The following GSN variants were observed in gnomAD, a reference collection of about 807,000 sequenced individuals.
GSN encodes actin-depolymerizing factor.
GSN carries 56 observed loss-of-function variants against 85.7 expected under a neutral mutation model. The observed-to-expected ratio is 0.65, with a 90% CI of 0.53 to 0.82. GSN has a LOEUF of 0.82. Ranked by LOEUF, GSN falls within the 40% of genes least tolerant of loss-of-function variation. GSN has a pLI of 0.00. For synonymous variants in GSN, 373 were observed against 399.1 expected, an observed-to-expected ratio of 0.93 and a Z score of 0.78; for missense variants, 857 against 979.8, an observed-to-expected ratio of 0.87 and a Z score of 1.67.
intron 5 of GSN, among the ~76,000 whole-genome samples, chr9:121,236,841 C>T (rs1399106869): frequency 1.3e-5 from 2 of 152,226 alleles, no homozygotes; most frequent in Non-Finnish European, 2.9e-5. Flanking sequence ...AGAACCAAAT[C>T]AGGGATTTTC....
intron 5 of GSN, chr9:121,238,857 T>C (rs2054547473): frequency 1.9e-6 from 1 of 530,550 alleles, no homozygotes; most frequent in African/African-American, 1.9e-5. Context: ...AATCATGGCT[T>C]GTACATCCTT....
At chr9:121,286,133 C>A in intron 2 of GSN, 3 of 1,535,598 alleles carry the variant, frequency 2.0e-6, no homozygotes, top group Non-Finnish European at 8.7e-7. Flanking sequence ...ATAGCTCCCC[C>A]CAGCCTCGCG....
At chr9:121,326,080 G>A (rs2063129278) in intron 12 of GSN, among the ~76,000 whole-genome samples, 1 of 150,564 alleles carries the variant, frequency 6.6e-6, no homozygotes, top group South Asian at 2.1e-4. Flanking sequence ...CATCTGGGGT[G>A]CACTGGCTCT....
chr9:121,312,604 C>T (rs561478279), intron 6 of GSN, 116 bp downstream of exon 6: 5 of 778,240 alleles, frequency 6.4e-6, no homozygotes, highest in Non-Finnish European at 9.8e-6. Context: ...CGCTCTACCC[C>T]ACCTTTTTAT....
At position 121,299,514 on chromosome 9, in the gene GSN, G is replaced by A. The variant is rs906715028; in HGVS notation, c.-9-2449G>A. On this transcript the variant is annotated intron_variant, in intron 2 of 17. Transcript: ENST00000432226. This position sits in a 1 kb window ranked among gnomAD's most constrained non-coding sequence, Gnocchi z 4.2. The stretch of plus-strand genomic sequence containing the variant: ...TGTTAGTTCATGTTATTTTTTTGCT[G>A]GAGGTGTTAGGTGCGGAGAGGCGAG... 6.6e-5 allele frequency: 64 copies of A among 975,024 alleles called. No individual in the cohort carries two copies. Among genetic ancestry groups the A allele is most frequent in the Non-Finnish European group, 7.2e-5 (59 of 820,532 alleles). The allele number at this position is 975,024 out of a possible 1,614,324, so 60.4% of individuals were successfully genotyped here.
At chr9:121,327,687 G>A (rs1195092599) in intron 14 of GSN, among the ~76,000 whole-genome samples, 1 of 150,760 alleles carries the variant, frequency 6.6e-6, no homozygotes, top group Admixed American at 6.6e-5. Flanking sequence ...AGAAAGGAGA[G>A]CCTAGCCTGG....
At chr9:121,260,806 T>C (rs971630268) in intron 6 of GSN, among the ~76,000 whole-genome samples, 2 of 151,440 alleles carry the variant, frequency 1.3e-5, no homozygotes, top group African/African-American at 4.9e-5. Context: ...ACAACAGTGA[T>C]GAGAGAGGAG....
chr9:121,230,367 T>C (rs1208479704), intron 4 of GSN, among the ~76,000 whole-genome samples: 1 of 152,224 alleles, frequency 6.6e-6, no homozygotes, highest in Non-Finnish European at 1.5e-5. Flanking sequence ...GACAATCCTA[T>C]AGTGCAGAAA....
At chr9:121,303,121 C>T in intron 4 of GSN, 56 bp downstream of exon 4, 2 of 1,542,840 alleles carry the variant, frequency 1.3e-6, no homozygotes, top group South Asian at 1.1e-5. Flanking sequence ...AGTAACAGGG[C>T]TCACTCAGGC....
chr9:121,215,582 T>A (rs969996125), intron 4 of GSN, among the ~76,000 whole-genome samples: 2 of 151,794 alleles, frequency 1.3e-5, no homozygotes, highest in African/African-American at 4.8e-5. Context: ...TAATCCCAGC[T>A]ACTTGAGAGG....
intron 8 of GSN, chr9:121,317,464 C>T (rs1347124007): frequency 9.8e-6 from 5 of 507,674 alleles, no homozygotes; most frequent in African/African-American, 3.9e-5. Context: ...TGCATTATAA[C>T]GTCAGTTCTC....
rs185676028 is a variant in GSN at position 121,314,409 on chromosome 9, G to A, written c.753+386G>A. On this transcript the variant is annotated intron_variant, in intron 7 of 17. Transcript: ENST00000432226. ...AAATGGTGTGTATGTGGGGAGGTTG[G>A]GGGTGTGGGTTATAGTTAATGACTT... is the stretch of plus-strand genomic sequence containing the variant. 2.3e-3 allele frequency among the ~76,000 whole-genome samples: 345 copies of A among 152,300 alleles called. 7 individuals carry two copies. The highest frequency in any genetic ancestry group is 7.8e-4 in the Non-Finnish European group (53 of 68,018).
chr9:121,278,889 C>A (rs1295816347), intron 1 of GSN, among the ~76,000 whole-genome samples: 2 of 152,244 alleles, frequency 1.3e-5, no homozygotes, highest in African/African-American at 4.8e-5. Flanking sequence ...TAATGCTTTT[C>A]TTGCCCATAG....
intron 2 of GSN, among the ~76,000 whole-genome samples, chr9:121,291,070 A>C (rs2058637964): frequency 6.6e-6 from 1 of 152,176 alleles, no homozygotes; most frequent in Non-Finnish European, 1.5e-5. Flanking sequence ...ATAAAAATTA[A>C]AAAAAGTAAA....
intron 6 of GSN, among the ~76,000 whole-genome samples, chr9:121,255,722 A>G (rs973043197): frequency 7.2e-5 from 11 of 152,186 alleles, no homozygotes; most frequent in African/African-American, 2.7e-4. Context: ...ATTTATTTAA[A>G]TAATCTTCTT....
intron 5 of GSN, among the ~76,000 whole-genome samples, chr9:121,244,748 A>G (rs1564354072): frequency 6.6e-6 from 1 of 152,258 alleles, no homozygotes; most frequent in Non-Finnish European, 1.5e-5. Flanking sequence ...TGCAGCTACT[A>G]CAAGGGACAA....
At chr9:121,220,655 T>A (rs1564338207) in intron 4 of GSN, among the ~76,000 whole-genome samples, 1 of 152,234 alleles carries the variant, frequency 6.6e-6, no homozygotes, top group Non-Finnish European at 1.5e-5. Flanking sequence ...CTAAACCACC[T>A]AGTGAGATAG....
chr9:121,286,235 G>A, intron 2 of GSN: 1 of 1,236,174 alleles, frequency 8.1e-7, no homozygotes. Flanking sequence ...TCAGAGGAGG[G>A]ACGCCAGGGA....
intron 17 of GSN, 89 bp downstream of exon 17, chr9:121,331,537 A>G (rs768865441): frequency 5.1e-6 from 4 of 784,114 alleles, no homozygotes; most frequent in Non-Finnish European, 8.9e-6. Flanking sequence ...GGGAATGAGC[A>G]TCTTTCCAGG....
Sources: gnomAD v4.1 joint callset for allele counts (sites outside exome capture counted in the v4.1 genomes callset) on GRCh38, gnomAD v4.1.1 for gene constraint, Gnocchi (gnomAD v3.1) non-coding constraint, MANE v1.5 for transcripts, NCBI Gene and HGNC (gene_info 2026-07-23, HGNC 2026-07-21) for gene names.